FHAD1: variants seen among roughly 807,000 people sequenced by gnomAD.
FHAD1 encodes forkhead-associated domain-containing protein 1.
FHAD1 carries 146 observed loss-of-function variants against 191.3 expected under a neutral mutation model. The ratio of observed to expected loss-of-function variants is 0.76; its 90% CI spans 0.67 to 0.88. FHAD1 has a LOEUF of 0.88. Ranked by LOEUF, FHAD1 falls within the 40% of genes least tolerant of loss-of-function variation. The pLI is 0.00. For missense variants in FHAD1, 1,635 were observed against 1,785.8 expected (o/e 0.92, Z 1.52); for synonymous variants, 616 against 672.3 (o/e 0.92, Z 1.29).
chr1:15,303,496 ATTG>A (rs1669454926), intron 6 of FHAD1, among the ~76,000 whole-genome samples: 1 of 152,178 alleles, frequency 6.6e-6, no homozygotes, highest in Non-Finnish European at 1.5e-5. Context: ...CATTTTGGGT[ATTG>A]TTTAAAGTGC....
intron 26 of FHAD1, 74 bp from the exon 27 acceptor site, chr1:15,374,428 G>A: frequency 6.5e-7 from 1 of 1,531,338 alleles, no homozygotes; most frequent in Non-Finnish European, 8.8e-7. Context: ...TACATGAATT[G>A]TTCACATTTC....
chr1:15,375,701 C>T lies in FHAD1; in HGVS notation c.3676C>T (p.Pro1226Ser). Residue 1226 changes from proline to serine, a missense_variant, in exon 28 of 34, where the codon CCA becomes TCA. Physicochemically the swap from Pro to Ser is moderately conservative, Grantham distance 74 (BLOSUM62 -1). Transcript: ENST00000688493. ...ACTACTGGATGCAAAACCGGATTTG[C>T]CAACTCTCTCAAGAATAGAGATCCT... ...KILLDAKPDL[P>S]TLSRIEILAP... 1.9e-6 allele frequency: 3 copies of T among 1,545,826 alleles called. No homozygotes were observed. The highest frequency in any genetic ancestry group is 1.7e-6 in the Non-Finnish European group (2 of 1,145,346).
chr1:15,332,102 G>A (rs1013987990), intron 14 of FHAD1, among the ~76,000 whole-genome samples: 3 of 152,192 alleles, frequency 2.0e-5, no homozygotes, highest in African/African-American at 7.2e-5. Flanking sequence ...GTATCCAGAA[G>A]GTGGGGTAAC....
At position 15,318,537 on chromosome 1, in the gene FHAD1, G is replaced by A. The variant is rs761649872; in HGVS notation, c.1365+609G>A. On this transcript the variant is annotated intron_variant, in intron 10 of 33. Transcript: ENST00000688493. This position sits in a 1 kb window ranked among gnomAD's most constrained non-coding sequence, Gnocchi z 4.1. ...TAATTCCAGCCACTCAGGAGGCTGAGGCAGGAGAATCACTTGAACCTGGGA... is the reference window on the plus strand; with the variant it reads ...TAATTCCAGCCACTCAGGAGGCTGAAGCAGGAGAATCACTTGAACCTGGGA... 3.9e-5 allele frequency among the ~76,000 whole-genome samples: 6 copies of A among 152,250 alleles called. No homozygotes were observed. The highest frequency in any genetic ancestry group is 7.4e-5 in the Non-Finnish European group (5 of 68,022).
chr1:15,263,923 C>T (rs944327203), intron 2 of FHAD1, among the ~76,000 whole-genome samples: 2 of 152,116 alleles, frequency 1.3e-5, no homozygotes, highest in Non-Finnish European at 2.9e-5. Flanking sequence ...ACACCCTTGT[C>T]GAAAATCATT....
chr1:15,344,488 C>T (rs1175671883), intron 16 of FHAD1, among the ~76,000 whole-genome samples: 1 of 152,204 alleles, frequency 6.6e-6, no homozygotes, highest in East Asian at 1.9e-4. Context: ...TTCAGTTTTG[C>T]AGGTCATATG....
At chr1:15,395,419 C>T (rs1705614347) in intron 33 of FHAD1, among the ~76,000 whole-genome samples, 6 of 152,208 alleles carry the variant, frequency 3.9e-5, no homozygotes, top group African/African-American at 1.4e-4. Context: ...ATTTCTGCCC[C>T]TCTCCATACC....
chr1:15,381,931 A>C lies in FHAD1; in HGVS notation c.4023-97A>C. ...TGATGACACTCCTGAGTGAGCCCCCACTGTGGATGTATTTTGAGAGACTTC... is the reference window on the plus strand; with the variant it reads ...TGATGACACTCCTGAGTGAGCCCCCCCTGTGGATGTATTTTGAGAGACTTC... On this transcript the variant is annotated intron_variant, in intron 30 of 33. Transcript: ENST00000688493. This position sits in a 1 kb window ranked among gnomAD's most constrained non-coding sequence, Gnocchi z 4.6. 7.4e-7 allele frequency: 1 copy of C among 1,342,426 alleles called. No individual in the cohort carries two copies. Among genetic ancestry groups the C allele is most frequent in the Non-Finnish European group, 1.0e-6 (1 of 979,190 alleles). 83.2% of individuals were successfully genotyped at this position (1,342,426 alleles called of 1,614,324 possible).
intron 3 of FHAD1, among the ~76,000 whole-genome samples, chr1:15,284,379 T>C (rs1661635131): frequency 6.7e-6 from 1 of 149,420 alleles, no homozygotes; most frequent in African/African-American, 2.5e-5. Context: ...CTCGGGAAGC[T>C]GAGGCAGGAG....
chr1:15,245,375 T>A (rs923056077), upstream of FHAD1, among the ~76,000 whole-genome samples: 4 of 152,254 alleles, frequency 2.6e-5, no homozygotes, highest in East Asian at 7.7e-4. Flanking sequence ...GTTCTTATTG[T>A]TTTTATTTGC....
intron 1 of FHAD1, among the ~76,000 whole-genome samples, chr1:15,240,192 G>A (rs1397974794): frequency 1.3e-5 from 2 of 152,216 alleles, no homozygotes; most frequent in African/African-American, 2.4e-5. Flanking sequence ...GACTCTTACT[G>A]ACTTTGATGA....
chr1:15,293,259 T>A (rs1665516649), intron 4 of FHAD1, among the ~76,000 whole-genome samples: 1 of 152,182 alleles, frequency 6.6e-6, no homozygotes, highest in East Asian at 1.9e-4. Flanking sequence ...TTCCCAACCC[T>A]TGCCCCCAGA....
At chr1:15,278,898 G>C (rs1198090151) in intron 3 of FHAD1, among the ~76,000 whole-genome samples, 2 of 152,088 alleles carry the variant, frequency 1.3e-5, no homozygotes, top group African/African-American at 4.8e-5. Context: ...ATACACAAGA[G>C]ATGAATATTT....
At chr1:15,345,245 T>G (rs1569871558) in intron 17 of FHAD1, 55 bp downstream of exon 17, 1 of 1,473,916 alleles carries the variant, frequency 6.8e-7, no homozygotes, top group Non-Finnish European at 9.3e-7. Flanking sequence ...CTAGGAAGGG[T>G]GGATCTGGGG....
chr1:15,393,631 C>G (rs1704961297), intron 33 of FHAD1, among the ~76,000 whole-genome samples: 1 of 150,432 alleles, frequency 6.6e-6, no homozygotes, highest in Admixed American at 6.6e-5. Flanking sequence ...GAGACCGTGT[C>G]TTGCTCTGTG....
At chr1:15,331,901 G>A (rs527580162) in intron 14 of FHAD1, among the ~76,000 whole-genome samples, 4 of 152,186 alleles carry the variant, frequency 2.6e-5, no homozygotes, top group Admixed American at 6.5e-5. Flanking sequence ...TGAAAGTAAC[G>A]AGAGAGAAGG....
intron 2 of FHAD1, among the ~76,000 whole-genome samples, chr1:15,259,890 C>T (rs1268886719): frequency 2.0e-5 from 3 of 152,134 alleles, no homozygotes; most frequent in African/African-American, 7.2e-5. Flanking sequence ...CTCTCCCTGC[C>T]AGGTGTAAGA....
chr1:15,383,025 C>T (rs968432256), intron 31 of FHAD1: 23 of 464,568 alleles, frequency 5.0e-5, no homozygotes, highest in Admixed American at 4.9e-4. Flanking sequence ...CGCGCACGCG[C>T]ACACACTCTG....
chr1:15,353,069 T>C lies in FHAD1; in HGVS notation c.2562+85T>C, dbSNP rs1466150096. 9.2e-6 allele frequency: 9 copies of C among 981,650 alleles called. No homozygotes were observed. In the Admixed American group the frequency reaches 2.1e-4, roughly 23 times the overall value. 60.8% of individuals were successfully genotyped at this position (981,650 alleles called of 1,614,324 possible). On this transcript the variant is annotated intron_variant, in intron 20 of 33. Coordinates refer to ENST00000688493, the MANE Select transcript of FHAD1 (RefSeq NM_001391957.1). ...AGAGCCAGGCTCTGGGTTCAAATCC[T>C]ACCTCTCCCCATCCCTGGCTGGGGG...
Sources: allele counts gnomAD v4.1 joint callset (sites outside exome capture counted in the v4.1 genomes callset), GRCh38; gene constraint gnomAD v4.1.1; non-coding constraint Gnocchi (gnomAD v3.1); transcripts MANE v1.5; gene names NCBI Gene and HGNC (gene_info 2026-07-23, HGNC 2026-07-21).